The following KIAA0825 variants were observed in gnomAD, a reference collection of about 807,000 sequenced individuals.
The protein encoded by KIAA0825 is uncharacterized protein KIAA0825.
A neutral mutation model predicts 147.6 loss-of-function variants in KIAA0825; 119 were observed. The observed-to-expected ratio is 0.81, with a 90% CI of 0.69 to 0.94. The LOEUF (loss-of-function observed/expected upper bound fraction) is 0.94, where lower values mean the gene tolerates loss of function less well. Ranked by LOEUF, KIAA0825 falls within the 40% of genes least tolerant of loss-of-function variation. The pLI, the probability that KIAA0825 is intolerant of heterozygous loss-of-function variation, is 0.00. For missense variants in KIAA0825, 1,381 were observed against 1,472.7 expected, an observed-to-expected ratio of 0.94 and a Z score of 1.02; for synonymous variants, 470 against 518.1, an observed-to-expected ratio of 0.91 and a Z score of 1.26.
At chr5:94,568,159 C>T (rs1044040594) in intron 2 of KIAA0825, 10 of 160,516 alleles carry the variant, frequency 6.2e-5, no homozygotes, top group Non-Finnish European at 1.2e-4. Context: ...TTATATGCTC[C>T]GGATCCATTA....
chr5:94,252,228 C>T (rs1360221687), intron 20 of KIAA0825, among the ~76,000 whole-genome samples: 1 of 151,950 alleles, frequency 6.6e-6, no homozygotes, highest in Non-Finnish European at 1.5e-5. Context: ...TTACATAAAA[C>T]AGCCAGGAAA....
intron 4 of KIAA0825, among the ~76,000 whole-genome samples, chr5:94,523,379 G>C (rs77552616): frequency 6.6e-6 from 1 of 151,614 alleles, no homozygotes; most frequent in East Asian, 1.9e-4. Flanking sequence ...CTCTAGCATA[G>C]ATGGTGGTCA....
chr5:94,267,712 C>T (rs745371391), intron 20 of KIAA0825, among the ~76,000 whole-genome samples: 20 of 152,132 alleles, frequency 1.3e-4, no homozygotes, highest in Non-Finnish European at 8.8e-5. Flanking sequence ...TCCGCAATTA[C>T]CTCCCTCCTC....
At chr5:94,282,032 A>G (rs920016892) in intron 20 of KIAA0825, among the ~76,000 whole-genome samples, 8 of 152,086 alleles carry the variant, frequency 5.3e-5, no homozygotes, top group Admixed American at 2.6e-4. Context: ...GCCTGCCACC[A>G]AAATGTTAGC....
At chr5:94,459,890 G>A (rs936597542) in intron 12 of KIAA0825, among the ~76,000 whole-genome samples, 1 of 151,948 alleles carries the variant, frequency 6.6e-6, no homozygotes, top group Non-Finnish European at 1.5e-5. Flanking sequence ...GATTTAGGTA[G>A]GGCAATATTA....
At chr5:94,293,030 C>A (rs1250729530) in intron 20 of KIAA0825, among the ~76,000 whole-genome samples, 2 of 149,628 alleles carry the variant, frequency 1.3e-5, no homozygotes, top group African/African-American at 4.9e-5. Context: ...GGCTAGCAGT[C>A]TGTCTATTTT....
At chr5:94,262,238 A>G (rs1399217280) in intron 20 of KIAA0825, among the ~76,000 whole-genome samples, 1 of 152,104 alleles carries the variant, frequency 6.6e-6, no homozygotes, top group Non-Finnish European at 1.5e-5. Context: ...AATTAAAATT[A>G]GATATTTTTA....
At chr5:94,596,991 G>A (rs900701812) in intron 1 of KIAA0825, among the ~76,000 whole-genome samples, 8 of 152,038 alleles carry the variant, frequency 5.3e-5, no homozygotes, top group South Asian at 2.1e-4. Flanking sequence ...AGACTATGTC[G>A]TTTTCTACAT....
chr5:94,556,688 T>C (rs1776600221), intron 2 of KIAA0825, among the ~76,000 whole-genome samples: 1 of 152,232 alleles, frequency 6.6e-6, no homozygotes, highest in Admixed American at 6.5e-5. Context: ...ATCACCAGTC[T>C]TGTATCATCA....
chr5:94,214,607 A>G (rs868418293), intron 20 of KIAA0825, among the ~76,000 whole-genome samples: 2 of 152,156 alleles, frequency 1.3e-5, no homozygotes, highest in East Asian at 1.9e-4. Context: ...TCTTGCCTCA[A>G]TCAAACCAAA....
intron 20 of KIAA0825, among the ~76,000 whole-genome samples, chr5:94,313,253 T>G (rs183862834): frequency 3.2e-4 from 49 of 151,762 alleles, no homozygotes; most frequent in Non-Finnish European, 6.2e-4. Context: ...GGTGTGATAA[T>G]GTATTGAGTT....
chr5:94,416,530 T>C (rs1753489507), intron 15 of KIAA0825: 1 of 152,170 alleles, frequency 6.6e-6, no homozygotes, highest in Non-Finnish European at 1.5e-5. Flanking sequence ...TCCTTTGTTT[T>C]CACAAGATAT....
At chr5:94,338,474 G>A (rs1030879339) in intron 20 of KIAA0825, among the ~76,000 whole-genome samples, 2 of 152,030 alleles carry the variant, frequency 1.3e-5, no homozygotes. Context: ...GGTGCCACAT[G>A]TGCCACATAA....
Position 94,603,956 on chromosome 5 carries a change from A to G in KIAA0825, c.-153+14544T>C, listed in dbSNP as rs1787006163. ...TACTTAGAGACCTTCAAAGAGACTT[A>G]GACTCTTACACAATAATAAATGAGA... On this transcript the variant is annotated intron_variant, in intron 1 of 20. Transcript: ENST00000682413. Among the ~76,000 whole-genome samples the G allele has an allele frequency of 2.0e-5, 3 of 152,254 alleles. No individual in the cohort carries two copies. In the South Asian group the frequency reaches 6.2e-4, roughly 31 times the overall value.
chr5:94,529,339 G>GTATATATCATATATATA (rs1770204089), intron 3 of KIAA0825, among the ~76,000 whole-genome samples: 1 of 101,954 alleles, frequency 9.8e-6, no homozygotes. Flanking sequence ...TCATATATAT[G>GTATATATCATATATATA]TATATATCAT....
intron 1 of KIAA0825, among the ~76,000 whole-genome samples, chr5:94,599,143 T>C (rs746245556): frequency 2.0e-5 from 3 of 152,072 alleles, no homozygotes; most frequent in Non-Finnish European, 2.9e-5. Flanking sequence ...GCATTTGGTA[T>C]TTTTTGTCTT....
intron 4 of KIAA0825, 99 bp from the exon 5 acceptor site, chr5:94,521,016 T>A: frequency 9.9e-7 from 1 of 1,012,578 alleles, no homozygotes; most frequent in Non-Finnish European, 1.4e-6. Flanking sequence ...TTGAAATCAA[T>A]ACTCTAAAAT....
intron 20 of KIAA0825, among the ~76,000 whole-genome samples, chr5:94,286,143 C>T (rs145006594): frequency 6.6e-6 from 1 of 152,254 alleles, no homozygotes; most frequent in African/African-American, 2.4e-5. Context: ...GTCAACATGG[C>T]TACAAAGTCA....
At chr5:94,220,815 A>C (rs985629327) in intron 20 of KIAA0825, among the ~76,000 whole-genome samples, 1 of 152,196 alleles carries the variant, frequency 6.6e-6, no homozygotes, top group Non-Finnish European at 1.5e-5. Context: ...TTCCATGTAC[A>C]TGGTGAGCCA....
Sources: allele counts gnomAD v4.1 joint callset (sites outside exome capture counted in the v4.1 genomes callset), GRCh38; gene constraint gnomAD v4.1.1; transcripts MANE v1.5; gene names NCBI Gene and HGNC (gene_info 2026-07-23, HGNC 2026-07-21).